SHISA9: variants seen among roughly 807,000 people sequenced by gnomAD.
The protein encoded by SHISA9 is protein shisa-9.
In SHISA9, 13 loss-of-function variants were observed where a neutral mutation model predicts 38.0. That is an observed-to-expected ratio of 0.34 (90% CI 0.22 to 0.54). SHISA9 has a LOEUF of 0.54. Among genes scored for constraint, SHISA9 ranks in the 20% least tolerant of loss-of-function variants. The pLI, the probability that SHISA9 is intolerant of heterozygous loss-of-function variation, is 0.91. For missense variants in SHISA9, 538 were observed against 575.8 expected, an observed-to-expected ratio of 0.93 and a Z score of 0.67; for synonymous variants, 275 against 242.0, an observed-to-expected ratio of 1.14 and a Z score of -1.27.
At chr16:13,090,255 A>G (rs2141946689) in intron 2 of SHISA9, among the ~76,000 whole-genome samples, 1 of 152,262 alleles carries the variant, frequency 6.6e-6, no homozygotes, top group African/African-American at 2.4e-5. Context: ...GTGCAATGTG[A>G]TGCTGAGAAG....
At chr16:13,087,353 G>A (rs954756820) in intron 2 of SHISA9, among the ~76,000 whole-genome samples, 14 of 152,074 alleles carry the variant, frequency 9.2e-5, no homozygotes, top group African/African-American at 2.9e-4. Context: ...TAATGGGATT[G>A]CTAGGTCAAA....
intron 2 of SHISA9, among the ~76,000 whole-genome samples, chr16:13,091,027 G>C (rs1475586796): frequency 6.6e-6 from 1 of 152,190 alleles, no homozygotes; most frequent in Non-Finnish European, 1.5e-5. Flanking sequence ...TGGCTTGTCT[G>C]TAAAGGATTT....
intron 2 of SHISA9, among the ~76,000 whole-genome samples, chr16:12,941,315 CT>C (rs1237251017): frequency 1.3e-5 from 2 of 152,104 alleles, no homozygotes; most frequent in Non-Finnish European, 2.9e-5. Context: ...CATGCCACTG[CT>C]CTCCAGCCTG....
At chr16:13,260,007 CTTTTTTTTTTT>C in the SHISA9 span, among the ~76,000 whole-genome samples, 233 of 60,456 alleles carry the variant, frequency 3.9e-3, 2 homozygotes, top group African/African-American at 0.014. Context: ...TTCTTTCTTT[CTTTTTTTTTTT>C]TTTTTTTTTT....
At chr16:13,053,640 C>T (rs1596614588) in intron 2 of SHISA9, among the ~76,000 whole-genome samples, 1 of 152,186 alleles carries the variant, frequency 6.6e-6, no homozygotes, top group Non-Finnish European at 1.5e-5. Flanking sequence ...CTTCAGTTTT[C>T]AGACCTCCCT....
chr16:13,469,302 C>CAGAGAG, the SHISA9 span, among the ~76,000 whole-genome samples: 7 of 46,668 alleles, frequency 1.5e-4, no homozygotes, highest in African/African-American at 3.8e-4. Context: ...GAAAGAAAGA[C>CAGAGAG]AGAGAGAGAG....
At chr16:13,396,609 T>C in the SHISA9 span, among the ~76,000 whole-genome samples, 1 of 152,196 alleles carries the variant, frequency 6.6e-6, no homozygotes, top group Non-Finnish European at 1.5e-5. Context: ...AATAGAGTGG[T>C]TGTTCAGTGA....
chr16:13,234,188 C>G (rs543883785), intron 4 of SHISA9, among the ~76,000 whole-genome samples: 1 of 152,168 alleles, frequency 6.6e-6, no homozygotes, highest in East Asian at 1.9e-4. Flanking sequence ...GATAGTTCCA[C>G]TCAATGAAAT....
chr16:13,403,121 A>AC, the SHISA9 span, among the ~76,000 whole-genome samples: 7 of 151,856 alleles, frequency 4.6e-5, no homozygotes, highest in South Asian at 2.1e-4. Context: ...CAAAAAAAAA[A>AC]AAACCAAAGA....
At chr16:13,085,166 A>T (rs779745354) in intron 2 of SHISA9, among the ~76,000 whole-genome samples, 1 of 152,210 alleles carries the variant, frequency 6.6e-6, no homozygotes, top group Admixed American at 6.5e-5. Context: ...GCAGCATTGC[A>T]GACTCAACTG....
the SHISA9 span, among the ~76,000 whole-genome samples, chr16:13,261,550 G>T: frequency 1.3e-5 from 2 of 152,162 alleles, no homozygotes; most frequent in African/African-American, 4.8e-5. Context: ...TGAAACACCA[G>T]AATTTATTCT....
intron 2 of SHISA9, among the ~76,000 whole-genome samples, chr16:13,006,761 C>T (rs1284345866): frequency 6.6e-6 from 1 of 152,102 alleles, no homozygotes; most frequent in Non-Finnish European, 1.5e-5. Flanking sequence ...TCTGTTGTAC[C>T]CTCCTGCAGC....
Position 13,015,868 on chromosome 16 carries a change from T to TTCTC in SHISA9, c.691+99056_691+99057insCTCT, listed in dbSNP as rs1194323141. Among the ~76,000 whole-genome samples the TTCTC allele has an allele frequency of 1.0e-4, 11 of 105,486 alleles. No homozygotes were observed. The East Asian group carries it at 2.4e-3, about 23-fold the overall frequency. The allele number at this position is 105,486 out of a possible 152,430, so 69.2% of individuals were successfully genotyped here. On this transcript the variant is annotated intron_variant, in intron 2 of 4. Coordinates refer to ENST00000558583, the MANE Select transcript of SHISA9 (RefSeq NM_001145204.3). Reference sequence around the variant, plus strand: ...TCTTTCTTTCCCTTTCTTTCTTTCTTTCTTTCTTTCTTTCTTTCTTTCTTT... The same window carrying TTCTC: ...TCTTTCTTTCCCTTTCTTTCTTTCTTTCTCTCTTTCTTTCTTTCTTTCTTTCTTT...
the SHISA9 span, among the ~76,000 whole-genome samples, chr16:13,367,716 A>G: frequency 7.8e-3 from 930 of 119,810 alleles, 9 homozygotes; most frequent in Non-Finnish European, 9.7e-3. Context: ...GCGCGCGCAC[A>G]CACACACACA....
chr16:13,235,552 GA>G lies in SHISA9; in HGVS notation c.*144del. 9.1e-7 allele frequency: 1 copy of G among 1,094,058 alleles called. No individual in the cohort carries two copies. The highest frequency in any genetic ancestry group is 1.3e-6 in the Non-Finnish European group (1 of 789,590). 67.8% of individuals were successfully genotyped at this position (1,094,058 alleles called of 1,614,324 possible). ...AAGAACCAACTCTAAACCTACTGGG[GA>G]CACAGAGTCGCGCTTTTCCTAGGTC... On this transcript the variant is annotated 3_prime_UTR_variant, in exon 5 of 5. Transcript: ENST00000558583.
chr16:13,329,636 C>T, the SHISA9 span, among the ~76,000 whole-genome samples: 47 of 152,142 alleles, frequency 3.1e-4, no homozygotes, highest in Non-Finnish European at 1.0e-4. Context: ...GTGAGTTTCC[C>T]TTTGCCCTCT....
At chr16:13,309,409 G>A in the SHISA9 span, among the ~76,000 whole-genome samples, 2 of 152,050 alleles carry the variant, frequency 1.3e-5, no homozygotes, top group African/African-American at 2.4e-5. Flanking sequence ...TTGGGAGGCC[G>A]AGGTGGGTAG....
intron 2 of SHISA9, among the ~76,000 whole-genome samples, chr16:13,086,075 T>C (rs1343357431): frequency 1.3e-5 from 2 of 152,116 alleles, no homozygotes; most frequent in African/African-American, 4.8e-5. Flanking sequence ...ATATTGTCAT[T>C]GGCCTGTCAC....
chr16:13,085,868 CAATA>C (rs1315040824), intron 2 of SHISA9, among the ~76,000 whole-genome samples: 2 of 151,848 alleles, frequency 1.3e-5, no homozygotes, highest in African/African-American at 4.8e-5. Context: ...TTAGCACACA[CAATA>C]AGTAGTAATG....
Sources: allele counts gnomAD v4.1 joint callset (sites outside exome capture counted in the v4.1 genomes callset), GRCh38; gene constraint gnomAD v4.1.1; transcripts MANE v1.5; gene names NCBI Gene and HGNC (gene_info 2026-07-23, HGNC 2026-07-21).